The following VPS13D variants were observed in gnomAD, a reference collection of about 807,000 sequenced individuals.
The protein encoded by VPS13D is vacuolar protein sorting 13 homolog D.
Under a neutral mutation model 461.9 loss-of-function variants are expected in VPS13D, and 187 were observed. The observed-to-expected ratio is 0.40, with a 90% CI of 0.36 to 0.46. VPS13D has a LOEUF of 0.46. Ranked by LOEUF, VPS13D falls within the 20% of genes least tolerant of loss-of-function variation. VPS13D has a pLI of 0.60. For missense variants in VPS13D, 4,711 were observed against 5,364.9 expected (o/e 0.88, Z 3.81); for synonymous variants, 1,951 against 1,986.3 (o/e 0.98, Z 0.47).
intron 21 of VPS13D, among the ~76,000 whole-genome samples, chr1:12,286,027 T>TCTC (rs1641965809): frequency 8.1e-6 from 1 of 122,746 alleles, no homozygotes; most frequent in Admixed American, 9.2e-5. Context: ...CCTCTCCTCC[T>TCTC]CTCCCCTCCC....
intron 67 of VPS13D, among the ~76,000 whole-genome samples, chr1:12,476,193 C>T (rs1352495647): frequency 6.6e-6 from 1 of 152,186 alleles, no homozygotes; most frequent in Non-Finnish European, 1.5e-5. Flanking sequence ...CCTGCATTTT[C>T]AGAGTTTGGC....
intron 52 of VPS13D, among the ~76,000 whole-genome samples, chr1:12,365,212 C>G (rs1241624509): frequency 6.6e-6 from 1 of 152,060 alleles, no homozygotes; most frequent in Non-Finnish European, 1.5e-5. Context: ...CTTTGTTGTT[C>G]TTTTTCAAGG....
intron 52 of VPS13D, among the ~76,000 whole-genome samples, chr1:12,366,768 A>T (rs1359021055): frequency 6.6e-6 from 1 of 152,190 alleles, no homozygotes; most frequent in Non-Finnish European, 1.5e-5. Flanking sequence ...GAATATCCCT[A>T]TATCTTGTAC....
intron 67 of VPS13D, among the ~76,000 whole-genome samples, chr1:12,492,557 G>C (rs554463092): frequency 6.6e-6 from 1 of 152,342 alleles, no homozygotes; most frequent in South Asian, 2.1e-4. Flanking sequence ...TCATTGGCAG[G>C]AATGTAAAAA....
chr1:12,246,768 C>T (rs539372920), intron 5 of VPS13D, among the ~76,000 whole-genome samples: 5 of 152,266 alleles, frequency 3.3e-5, no homozygotes, highest in East Asian at 1.9e-4. Context: ...GACATGGCCT[C>T]GGGCTGCCAG....
intron 42 of VPS13D, chr1:12,345,016 G>A (rs1369865364): frequency 5.7e-6 from 1 of 175,950 alleles, no homozygotes; most frequent in African/African-American, 2.4e-5. Flanking sequence ...CAAGAGTATG[G>A]TTATATGATT....
intron 21 of VPS13D, among the ~76,000 whole-genome samples, chr1:12,286,161 T>C (rs1641972271): frequency 6.6e-6 from 1 of 151,996 alleles, no homozygotes. Context: ...CACTGCAGCC[T>C]CTGCCTCCTG....
chr1:12,493,113 T>C (rs1570279006), intron 67 of VPS13D, among the ~76,000 whole-genome samples: 1 of 113,350 alleles, frequency 8.8e-6, no homozygotes, highest in African/African-American at 3.4e-5. Flanking sequence ...TTCAAATAAA[T>C]AAAGAGAGCC....
In VPS13D at chr1:12,441,143, C is replaced by T. The variant is rs571861019; in HGVS notation, c.12334-14855C>T. 8.5e-5 allele frequency among the ~76,000 whole-genome samples: 13 copies of T among 152,206 alleles called. No homozygotes were observed. In the South Asian group the frequency reaches 2.7e-3, roughly 32 times the overall value. Reference sequence around the variant, plus strand: ...GTTTCGCCATGTTGACCAGGCTGGTCTCAAAACTCCTGACGTGAGGTGATC... The same window carrying T: ...GTTTCGCCATGTTGACCAGGCTGGTTTCAAAACTCCTGACGTGAGGTGATC... On this transcript the variant is annotated intron_variant, in intron 65 of 69. Coordinates refer to ENST00000620676, the MANE Select transcript of VPS13D (RefSeq NM_015378.4).
chr1:12,251,845 C>A (rs182024016), intron 6 of VPS13D, among the ~76,000 whole-genome samples: 3 of 152,296 alleles, frequency 2.0e-5, no homozygotes, highest in Admixed American at 1.3e-4. Flanking sequence ...ATAACCAGGG[C>A]AGCCCTAACA....
chr1:12,269,013 C>A, intron 16 of VPS13D, 137 bp downstream of exon 16: 1 of 888,874 alleles, frequency 1.1e-6, no homozygotes, highest in Non-Finnish European at 1.6e-6. Flanking sequence ...AATAGGGTTG[C>A]CCTGTCCTGT....
chr1:12,275,567 A>G (rs933005631), intron 18 of VPS13D, among the ~76,000 whole-genome samples: 1 of 152,220 alleles, frequency 6.6e-6, no homozygotes, highest in Admixed American at 6.5e-5. Flanking sequence ...GCATTGGGTC[A>G]GCAGGTGGCG....
At chr1:12,268,629 A>G in intron 15 of VPS13D, 77 bp from the exon 16 acceptor site, 3 of 1,455,714 alleles carry the variant, frequency 2.1e-6, no homozygotes, top group Non-Finnish European at 2.8e-6. Context: ...CTGTTTTTCC[A>G]GAATCCCTCA....
chr1:12,465,904 A>G (rs562101728), intron 67 of VPS13D, among the ~76,000 whole-genome samples: 1 of 152,170 alleles, frequency 6.6e-6, no homozygotes, highest in East Asian at 1.9e-4. Flanking sequence ...TGGGAGGCCG[A>G]GGTGGGCGGA....
At position 12,291,078 on chromosome 1, in the gene VPS13D, C is replaced by G; in HGVS notation, c.5806C>G (p.Arg1936Gly). 6.2e-7 allele frequency: 1 copy of G among 1,613,970 alleles called. No homozygotes were observed. The change falls in exon 23 of 70, where the codon CGG (arginine) becomes GGG (glycine). Residue 1936 changes from arginine to glycine, a missense_variant. Transcript: ENST00000620676. ...ATGCCATGGAGAGTTCTACAGAGAACGGTTCACTACCAGTGGTGAAGAAGC... is the reference window on the plus strand; with the variant it reads ...ATGCCATGGAGAGTTCTACAGAGAAGGGTTCACTACCAGTGGTGAAGAAGC... ...LTCHGEFYRE[R>G]FTTSGEEALI... is the part of the protein sequence containing the mutation.
chr1:12,316,424 G>A (rs986470749), intron 30 of VPS13D, among the ~76,000 whole-genome samples: 3 of 152,136 alleles, frequency 2.0e-5, no homozygotes, highest in Middle Eastern at 3.2e-3. Flanking sequence ...AGTGTTTAAA[G>A]GCTTGAAATA....
At chr1:12,366,446 G>A (rs887929775) in intron 52 of VPS13D, among the ~76,000 whole-genome samples, 2 of 152,150 alleles carry the variant, frequency 1.3e-5, no homozygotes, top group African/African-American at 2.4e-5. Context: ...TTGTCTGTTA[G>A]CATAATGTGT....
At chr1:12,379,662 A>T in intron 57 of VPS13D, 66 bp downstream of exon 57, 1 of 1,139,634 alleles carries the variant, frequency 8.8e-7, no homozygotes, top group Non-Finnish European at 1.3e-6. Flanking sequence ...CAAAGTCTCT[A>T]CTAAGTTATA....
Position 12,299,423 on chromosome 1 carries a change from G to T in VPS13D, c.6216+39G>T. 1 of 1,550,028 alleles carries T rather than the reference G, an allele frequency of 6.5e-7. No individual in the cohort carries two copies. The highest frequency in any genetic ancestry group is 8.7e-7 in the Non-Finnish European group (1 of 1,153,354). ...ATCCATTTCCTTTTCCGTTCAGCTA[G>T]TATTTGATCACTAATTGAAAAATTT... On this transcript the variant is annotated intron_variant, in intron 25 of 69. Transcript: ENST00000620676. The surrounding 1 kb of genome is among the most constrained non-coding windows in gnomAD (Gnocchi z 4.2).
Sources: allele counts gnomAD v4.1 joint callset (sites outside exome capture counted in the v4.1 genomes callset), GRCh38; gene constraint gnomAD v4.1.1; non-coding constraint Gnocchi (gnomAD v3.1); transcripts MANE v1.5; gene names NCBI Gene and HGNC (gene_info 2026-07-23, HGNC 2026-07-21).